RIC8B: variants seen among roughly 807,000 people sequenced by gnomAD.
RIC8B encodes the protein chaperone Ric-8B.
A neutral mutation model predicts 57.5 loss-of-function variants in RIC8B; 16 were observed. That is an observed-to-expected ratio of 0.28 (90% CI 0.19 to 0.42). The LOEUF (loss-of-function observed/expected upper bound fraction) is 0.42, where lower values mean the gene tolerates loss of function less well. Among genes scored for constraint, RIC8B ranks in the 10% least tolerant of loss-of-function variants. The pLI is 1.00. For missense variants in RIC8B, 481 were observed against 677.0 expected (o/e 0.71, Z 3.21); for synonymous variants, 216 against 250.8 (o/e 0.86, Z 1.31).
chr12:106,782,029 T>C (rs1266568902), intron 1 of RIC8B, among the ~76,000 whole-genome samples: 1 of 152,074 alleles, frequency 6.6e-6, no homozygotes, highest in Non-Finnish European at 1.5e-5. Flanking sequence ...TTCTTTTTCT[T>C]GTTCTTTATT....
chr12:106,816,875 T>G (rs1358222175), intron 3 of RIC8B, among the ~76,000 whole-genome samples: 1 of 152,202 alleles, frequency 6.6e-6, no homozygotes, highest in Admixed American at 6.5e-5. Context: ...TCATTCTGTG[T>G]TATAGAATAT....
chr12:106,828,964 T>TA (rs963126166), intron 4 of RIC8B, among the ~76,000 whole-genome samples: 1 of 151,732 alleles, frequency 6.6e-6, no homozygotes, highest in African/African-American at 2.4e-5. Flanking sequence ...AAAAGTAGGT[T>TA]AAAAAAAATA....
chr12:106,835,635 T>G (rs976138299), intron 4 of RIC8B, among the ~76,000 whole-genome samples: 55 of 152,336 alleles, frequency 3.6e-4, no homozygotes, highest in Non-Finnish European at 4.4e-5. Context: ...CTGCCTTCCC[T>G]TACGAAAAGG....
At chr12:106,875,738 T>C (rs1393807745) in intron 9 of RIC8B, among the ~76,000 whole-genome samples, 2 of 152,152 alleles carry the variant, frequency 1.3e-5, no homozygotes, top group Admixed American at 1.3e-4. Flanking sequence ...AAGATAATTG[T>C]TCTACCATTT....
Position 106,857,455 on chromosome 12 carries a change from C to G in RIC8B, c.1307-2813C>G, listed in dbSNP as rs1015918331. ...TATGTTATTACCAGTGCAGTTCTGA[C>G]TTTGCACAGTGCTGCTGTGGTTGGT... On this transcript the variant is annotated intron_variant, in intron 7 of 9. Coordinates refer to ENST00000392837, the MANE Select transcript of RIC8B (RefSeq NM_001330145.2). Among the ~76,000 whole-genome samples the G allele has an allele frequency of 1.5e-4, 23 of 152,302 alleles. No homozygotes were observed. In the East Asian group the frequency reaches 4.2e-3, roughly 28 times the overall value.
At position 106,869,205 on chromosome 12, in the gene RIC8B, G is replaced by A. The variant is rs972734372; in HGVS notation, c.1452-1618G>A. On this transcript the variant is annotated intron_variant, in intron 8 of 9. Coordinates refer to ENST00000392837, the MANE Select transcript of RIC8B (RefSeq NM_001330145.2). ...AAGATAGGTTTTGAATCAGGTTTTC[G>A]AGGATGGTGAGCACTGAGTCCTTCC... Among the ~76,000 whole-genome samples, 7 of 152,264 alleles carry A rather than the reference G, an allele frequency of 4.6e-5. 1 individual carries two copies. Among genetic ancestry groups the A allele is most frequent in the East Asian group, 1.9e-4 (1 of 5,180 alleles).
rs2043360942 is a variant in RIC8B, at chr12:106,774,799, C to T, written c.54C>T (p.Ile18=). The stretch of plus-strand genomic sequence containing the variant: ...TCCGGGCCGGCGAAGCAGGGGCTAT[C>T]GAGCGGGTCCTGAGGGATTACAGCG... The part of the protein sequence containing the change: ...YIVRAGEAGA[I]ERVLRDYSDK... The change falls in exon 1 of 10, where the codon ATC becomes ATT. Residue 18 remains isoleucine (I), a synonymous_variant. Coordinates refer to ENST00000392837, the MANE Select transcript of RIC8B (RefSeq NM_001330145.2). The T allele has an allele frequency of 2.6e-6, 4 of 1,554,142 alleles. No individual in the cohort carries two copies. Among genetic ancestry groups the T allele is most frequent in the East Asian group, 2.4e-5 (1 of 41,194 alleles).
intron 9 of RIC8B, among the ~76,000 whole-genome samples, chr12:106,875,846 G>A (rs1950637451): frequency 6.6e-6 from 1 of 151,898 alleles, no homozygotes; most frequent in Non-Finnish European, 1.5e-5. Flanking sequence ...AATAAATGCA[G>A]GCACCAGATA....
chr12:106,823,664 G>A (rs1477565338), intron 3 of RIC8B, among the ~76,000 whole-genome samples: 1 of 151,818 alleles, frequency 6.6e-6, no homozygotes, highest in Non-Finnish European at 1.5e-5. Flanking sequence ...ATTTCACATA[G>A]GTATTTAACA....
chr12:106,843,723 CAAA>C (rs11384376), intron 5 of RIC8B, 126 bp from the exon 6 acceptor site: 10,442 of 251,516 alleles, frequency 0.042, no homozygotes, highest in South Asian at 0.058. Flanking sequence ...CTCCCTCTCC[CAAA>C]AAAAAAAAAA....
intron 6 of RIC8B, among the ~76,000 whole-genome samples, chr12:106,845,423 CT>C (rs926373764): frequency 1.3e-5 from 2 of 152,122 alleles, no homozygotes; most frequent in African/African-American, 4.8e-5. Flanking sequence ...AAAACTTTAT[CT>C]TTCCACCATT....
intron 2 of RIC8B, among the ~76,000 whole-genome samples, chr12:106,785,589 G>A (rs1400279869): frequency 6.6e-6 from 1 of 152,064 alleles, no homozygotes; most frequent in South Asian, 2.1e-4. Flanking sequence ...TATAAATTTT[G>A]TAGATTAAAG....
Position 106,825,733 on chromosome 12 carries a change from C to G in RIC8B, c.749C>G (p.Ser250Cys). ...CTTTTTTATTTGCCATAGAGTGATT[C>G]TCATCAGTTCCGTGTAATGGCAGCT... ...DSWKVHKESD[S>C]HQFRVMAAVL... The change falls in exon 4 of 10, where the codon TCT (serine) becomes TGT (cysteine). Residue 250 changes from serine (S) to cysteine (C), a missense_variant. Transcript: ENST00000392837. 1 of 1,612,692 alleles carries G rather than the reference C, an allele frequency of 6.2e-7. No individual in the cohort carries two copies. Among genetic ancestry groups the G allele is most frequent in the Non-Finnish European group, 8.5e-7 (1 of 1,178,786 alleles).
intron 4 of RIC8B, among the ~76,000 whole-genome samples, chr12:106,833,075 CT>C (rs2046426246): frequency 2.0e-5 from 3 of 152,114 alleles, no homozygotes; most frequent in African/African-American, 7.2e-5. Context: ...CCATTCACAG[CT>C]AAGTTTTTTG....
intron 3 of RIC8B, among the ~76,000 whole-genome samples, chr12:106,825,231 A>G (rs1359302040): frequency 1.3e-5 from 2 of 152,202 alleles, no homozygotes; most frequent in Non-Finnish European, 2.9e-5. Context: ...ATTGGAGATC[A>G]CTTGTATTTC....
intron 4 of RIC8B, among the ~76,000 whole-genome samples, chr12:106,841,122 C>G (rs1490927921): frequency 6.6e-6 from 1 of 152,150 alleles, no homozygotes; most frequent in Non-Finnish European, 1.5e-5. Flanking sequence ...TATATTTCAG[C>G]CACCTTTGAT....
intron 2 of RIC8B, among the ~76,000 whole-genome samples, chr12:106,811,836 T>G (rs2045347473): frequency 6.6e-6 from 1 of 152,124 alleles, no homozygotes; most frequent in African/African-American, 2.4e-5. Context: ...CTTAAATAGT[T>G]ATAGCACAGA....
At chr12:106,865,418 TCA>T (rs1950100017) in intron 8 of RIC8B, among the ~76,000 whole-genome samples, 1 of 152,184 alleles carries the variant, frequency 6.6e-6, no homozygotes, top group African/African-American at 2.4e-5. Context: ...TTCCCTGTTC[TCA>T]GAGCATCTAT....
chr12:106,849,035 T>G (rs1282123120), intron 6 of RIC8B, among the ~76,000 whole-genome samples: 1 of 151,952 alleles, frequency 6.6e-6, no homozygotes, highest in Non-Finnish European at 1.5e-5. Context: ...TGTACTTCAA[T>G]AGAATGAATA....
Sources: allele counts gnomAD v4.1 joint callset (sites outside exome capture counted in the v4.1 genomes callset), GRCh38; gene constraint gnomAD v4.1.1; transcripts MANE v1.5; gene names NCBI Gene and HGNC (gene_info 2026-07-23, HGNC 2026-07-21).